The following PCDHGA10 variants were observed in gnomAD, a reference collection of about 807,000 sequenced individuals.
PCDHGA10 encodes the protein protocadherin gamma subfamily A, 10.
PCDHGA10 carries 42 observed loss-of-function variants against 59.5 expected under a neutral mutation model. The ratio of observed to expected loss-of-function variants is 0.71; its 90% CI spans 0.55 to 0.91. The LOEUF is 0.91. Ranked by LOEUF, PCDHGA10 falls within the 40% of genes least tolerant of loss-of-function variation. PCDHGA10 has a pLI of 0.00. For missense variants in PCDHGA10, 1,111 were observed against 1,198.2 expected, an observed-to-expected ratio of 0.93 and a Z score of 1.07; for synonymous variants, 511 against 517.2, an observed-to-expected ratio of 0.99 and a Z score of 0.16.
intron 1 of PCDHGA10, chr5:141,427,619 C>T: frequency 1.4e-6 from 1 of 696,342 alleles, no homozygotes; most frequent in Non-Finnish European, 2.6e-6. Context: ...AAGTCAACGA[C>T]AATGCTCCGG....
At chr5:141,428,021 C>G (rs1185050109) in intron 1 of PCDHGA10, 1 of 1,605,486 alleles carries the variant, frequency 6.2e-7, no homozygotes, top group Admixed American at 1.7e-5. Flanking sequence ...TGCCACGCGC[C>G]GCAGAGTCCG....
At chr5:141,475,014 C>G (rs2099358221) in intron 1 of PCDHGA10, among the ~76,000 whole-genome samples, 1 of 152,202 alleles carries the variant, frequency 6.6e-6, no homozygotes, top group South Asian at 2.1e-4. Flanking sequence ...AAAGTTAAGG[C>G]TCTTTATTCT....
intron 1 of PCDHGA10, among the ~76,000 whole-genome samples, chr5:141,452,300 T>C (rs886540131): frequency 2.0e-5 from 3 of 152,194 alleles, no homozygotes; most frequent in African/African-American, 7.2e-5. Flanking sequence ...TAAGAAAATA[T>C]TAGAGACTCA....
At chr5:141,492,993 G>A (rs952802686) in intron 1 of PCDHGA10, among the ~76,000 whole-genome samples, 5 of 152,216 alleles carry the variant, frequency 3.3e-5, no homozygotes, top group African/African-American at 1.2e-4. Flanking sequence ...CTGGCAGATG[G>A]AAAGCTATAG....
intron 1 of PCDHGA10, among the ~76,000 whole-genome samples, chr5:141,474,010 C>G (rs989832548): frequency 1.3e-5 from 2 of 152,092 alleles, no homozygotes; most frequent in Admixed American, 1.3e-4. Flanking sequence ...CTGGAAGTTA[C>G]AGTGAGCTAT....
chr5:141,489,893 G>A lies in PCDHGA10; in HGVS notation c.2437-4914G>A. ...CTGGTGCTTACTGCTGTGGATGGGG[G>A]GACCCCAGCCCGCTCAGGGACCACC... On this transcript the variant is annotated intron_variant, in intron 1 of 3. Transcript: ENST00000398610. This position sits in a 1 kb window ranked among gnomAD's most constrained non-coding sequence, Gnocchi z 4.5. 6.2e-7 allele frequency: 1 copy of A among 1,614,190 alleles called. No individual in the cohort carries two copies. Among genetic ancestry groups the A allele is most frequent in the South Asian group, 1.1e-5 (1 of 91,084 alleles).
intron 1 of PCDHGA10, among the ~76,000 whole-genome samples, chr5:141,451,830 G>A (rs940668278): frequency 6.6e-5 from 10 of 151,238 alleles, no homozygotes; most frequent in East Asian, 1.9e-4. Flanking sequence ...ACAGTGAGCC[G>A]AGATCACACC....
At position 141,489,244 on chromosome 5, in the gene PCDHGA10, G is replaced by A. The variant is rs145484133; in HGVS notation, c.2437-5563G>A. ...TCCACAAAGGGACTTCTGGGTCATG[G>A]GGCCCAAGACACTCCCACAGCTCGC... On this transcript the variant is annotated intron_variant, in intron 1 of 3. Coordinates refer to ENST00000398610, the MANE Select transcript of PCDHGA10 (RefSeq NM_018913.3). This position sits in a 1 kb window ranked among gnomAD's most constrained non-coding sequence, Gnocchi z 4.5. 5 of 1,534,936 alleles carry A rather than the reference G, an allele frequency of 3.3e-6. No individual in the cohort carries two copies. In the African/African-American group the frequency reaches 5.5e-5, roughly 17 times the overall value.
chr5:141,421,530 C>T (rs377652360), intron 1 of PCDHGA10: 274 of 1,613,922 alleles, frequency 1.7e-4, no homozygotes, highest in Non-Finnish European at 2.3e-4. Flanking sequence ...AGACGGTGTC[C>T]TCCTGTTTTT....
At position 141,415,197 on chromosome 5, in the gene PCDHGA10, A is replaced by G; in HGVS notation, c.2022A>G (p.Gln674=). 6.2e-7 allele frequency: 1 copy of G among 1,614,016 alleles called. No homozygotes were observed. Among genetic ancestry groups the G allele is most frequent in the African/African-American group, 1.3e-5 (1 of 75,064 alleles). ...TGGCCGTGGCCGACAGCATCCCCCA[A>G]GTCCTGGCGGACCTCGGCAGCTTCG... The part of the protein sequence containing the change: ...LTVAVADSIP[Q]VLADLGSFES... The change falls in exon 1 of 4, where the codon CAA becomes CAG. Residue 674 remains glutamine (Q), a synonymous_variant. Transcript: ENST00000398610.
chr5:141,448,974 C>T (rs937711828), intron 1 of PCDHGA10, among the ~76,000 whole-genome samples: 5 of 151,994 alleles, frequency 3.3e-5, no homozygotes, highest in African/African-American at 1.2e-4. Context: ...CAAAAAAGAA[C>T]TTCCATATTA....
At chr5:141,421,587 G>T (rs758433133) in intron 1 of PCDHGA10, 6 of 1,613,900 alleles carry the variant, frequency 3.7e-6, no homozygotes, top group Non-Finnish European at 4.2e-6. Flanking sequence ...TTTACGGAGT[G>T]GAGGTGGAAA....
chr5:141,427,428 T>C (rs1489623330), intron 1 of PCDHGA10: 3 of 470,472 alleles, frequency 6.4e-6, no homozygotes, highest in Admixed American at 4.7e-5. Context: ...GGAGGTTACA[T>C]GCCTCATAAA....
rs979093310 is a variant in PCDHGA10 at position 141,486,621 on chromosome 5, A to G, written c.2437-8186A>G. On this transcript the variant is annotated intron_variant, in intron 1 of 3. Transcript: ENST00000398610. This position sits in a 1 kb window ranked among gnomAD's most constrained non-coding sequence, Gnocchi z 5.0. The stretch of plus-strand genomic sequence containing the variant: ...TGCTCCCTTGCAGCCTCTGACCCAG[A>G]CTCTGGCTTGAATGCGCTTATCTCC... 6.2e-7 allele frequency: 1 copy of G among 1,613,388 alleles called. No individual in the cohort carries two copies. The highest frequency in any genetic ancestry group is 1.3e-5 in the African/African-American group (1 of 74,960).
intron 3 of PCDHGA10, among the ~76,000 whole-genome samples, chr5:141,507,479 C>T (rs1050741571): frequency 1.3e-5 from 2 of 152,198 alleles, no homozygotes; most frequent in East Asian, 1.9e-4. Flanking sequence ...GACTGCTGGC[C>T]TCCTGAGGCA....
At chr5:141,419,617 C>G (rs780077182) in intron 1 of PCDHGA10, 1 of 1,612,280 alleles carries the variant, frequency 6.2e-7, no homozygotes. Flanking sequence ...AGCCAGGCTA[C>G]CTGGTGACCA....
Position 141,443,643 on chromosome 5 carries a change from A to C in PCDHGA10, c.2436+28032A>C, listed in dbSNP as rs188777289. The stretch of plus-strand genomic sequence containing the variant: ...GTGATTGTAAAAATTGATCCAGATA[A>C]TGTTAGCATAGCATTTTACTGAACT... On this transcript the variant is annotated intron_variant, in intron 1 of 3. Coordinates refer to ENST00000398610, the MANE Select transcript of PCDHGA10 (RefSeq NM_018913.3). Among the ~76,000 whole-genome samples, 238 of 152,370 alleles carry C rather than the reference A, an allele frequency of 1.6e-3. 2 individuals are homozygous for C. The highest frequency in any genetic ancestry group is 2.5e-3 in the Non-Finnish European group (169 of 68,028).
In PCDHGA10 at chr5:141,432,085, G is replaced by A. The variant is rs144065251; in HGVS notation, c.2436+16474G>A. 2.2e-4 allele frequency: 353 copies of A among 1,614,164 alleles called. 1 individual carries two copies. The African/African-American group carries it at 4.2e-3, about 19-fold the overall frequency. ...CGGAAACTCATATCTCGCTGAACGT[G>A]GCAGACACCAACGACAACCCGCCGG... On this transcript the variant is annotated intron_variant, in intron 1 of 3. Transcript: ENST00000398610. This position sits in a 1 kb window ranked among gnomAD's most constrained non-coding sequence, Gnocchi z 6.0.
intron 1 of PCDHGA10, among the ~76,000 whole-genome samples, chr5:141,492,103 T>G (rs1458656062): frequency 6.6e-6 from 1 of 152,134 alleles, no homozygotes; most frequent in Non-Finnish European, 1.5e-5. Flanking sequence ...GTCTGTAGAT[T>G]TCCTCTTCGA....
Sources: gnomAD v4.1 joint callset for allele counts (sites outside exome capture counted in the v4.1 genomes callset) on GRCh38, gnomAD v4.1.1 for gene constraint, Gnocchi (gnomAD v3.1) non-coding constraint, MANE v1.5 for transcripts, NCBI Gene and HGNC (gene_info 2026-07-23, HGNC 2026-07-21) for gene names.